Variants in MMRN1 observed in about 807,000 individuals in gnomAD.
MMRN1 encodes the protein multimerin 1.
Under a neutral mutation model 100.7 loss-of-function variants are expected in MMRN1, and 94 were observed. The observed-to-expected ratio is 0.93, with a 90% CI of 0.79 to 1.11. The LOEUF is 1.11. Among genes scored for constraint, MMRN1 ranks in the 50% least tolerant of loss-of-function variants. The pLI, the probability that MMRN1 is intolerant of heterozygous loss-of-function variation, is 0.00. For missense variants in MMRN1, 1,606 were observed against 1,439.1 expected, an observed-to-expected ratio of 1.12 and a Z score of -1.88; for synonymous variants, 575 against 505.0, an observed-to-expected ratio of 1.14 and a Z score of -1.86.
chr4:89,934,865 T>C lies in MMRN1; in HGVS notation c.1185T>C (p.Phe395=), dbSNP rs1722552258. 2 of 1,586,192 alleles carry C rather than the reference T, an allele frequency of 1.3e-6. No homozygotes were observed. Among genetic ancestry groups the C allele is most frequent in the East Asian group, 4.5e-5 (2 of 44,744 alleles). ...TAAGAGACATAGTAAGAGAACAATT[T>C]AAAATTTTTCAAAATGACATGCAAG... ...VLIRDIVREQ[F]KIFQNDMQET... Residue 395 remains phenylalanine, a synonymous_variant, in exon 6 of 8, where the codon TTT becomes TTC. Transcript: ENST00000264790.
At position 89,889,468 on chromosome 4, in the gene MMRN1, A is replaced by G. The variant is rs1027673694; in HGVS notation, c.-248-5256A>G. On this transcript the variant is annotated intron_variant, in intron 1 of 8. Coordinates refer to the MMRN1 transcript ENST00000394980. Reference sequence around the variant, plus strand: ...AAGGGACCAGGCATAGTTCCTGCTTATCCCTGAGTAGTAGGTTTCAGTTCC... The same window carrying G: ...AAGGGACCAGGCATAGTTCCTGCTTGTCCCTGAGTAGTAGGTTTCAGTTCC... 3.3e-5 allele frequency among the ~76,000 whole-genome samples: 5 copies of G among 152,240 alleles called. No homozygotes were observed. The East Asian group carries it at 7.7e-4, about 24-fold the overall frequency.
intron 5 of MMRN1, among the ~76,000 whole-genome samples, chr4:89,934,162 C>G (rs1325223994): frequency 6.6e-6 from 1 of 151,930 alleles, no homozygotes; most frequent in East Asian, 1.9e-4. Flanking sequence ...TAATGTCATA[C>G]TATAATAATA....
rs41279301 is a variant in MMRN1, at chr4:89,936,396, T to C, written c.2716T>C (p.Leu906=). The part of the protein sequence containing the change: ...LQVLNSRFKA[L]EAKSIHLSIN... ...AGTATTAAATTCCAGATTTAAGGCG[T>C]TGGAAGCAAAATCTATCCATCTTTC... Residue 906 remains leucine (L), a synonymous_variant, in exon 6 of 8, where the codon TTG becomes CTG. Transcript: ENST00000264790. The C allele has an allele frequency of 8.3e-3, 13,324 of 1,609,612 alleles. 69 individuals are homozygous for C. The highest frequency in any genetic ancestry group is 9.7e-3 in the Non-Finnish European group (11,421 of 1,178,726).
chr4:89,912,060 A>G lies in MMRN1; in HGVS notation c.850+10A>G, dbSNP rs758745644. ...AAATGTCAACTAAGAGGTACACTCT[A>G]ATATTAATAATCACAATTCTGAACA... On this transcript the variant is annotated intron_variant, in intron 3 of 7. Coordinates refer to ENST00000264790, the MANE Select transcript of MMRN1 (RefSeq NM_007351.3). The G allele has an allele frequency of 6.6e-7, 1 of 1,506,784 alleles. No individual in the cohort carries two copies. The allele number at this position is 1,506,784 out of a possible 1,614,324, so 93.3% of individuals were successfully genotyped here.
At chr4:89,943,512 T>G (rs1240917509) in intron 6 of MMRN1, among the ~76,000 whole-genome samples, 1 of 152,218 alleles carries the variant, frequency 6.6e-6, no homozygotes. Flanking sequence ...CTAAAACTTC[T>G]TAAAGCAGTT....
In MMRN1 at chr4:89,895,268, T is replaced by G. The variant is rs773115638; in HGVS notation, c.297T>G (p.Thr99=). The G allele has an allele frequency of 3.1e-6, 5 of 1,613,614 alleles. No individual in the cohort carries two copies. The highest frequency in any genetic ancestry group is 4.2e-6 in the Non-Finnish European group (5 of 1,179,916). ...CTGCTGAGGGTGTGAGAAATCAAAC[T>G]CTCACATCCACAGAGAAAGCAGAAG... ...SAPAEGVRNQ[T]LTSTEKAEGV... is the part of the protein sequence containing the mutation. The change falls in exon 1 of 8, where the codon ACT becomes ACG. Residue 99 remains threonine (T), a synonymous_variant. Transcript: ENST00000264790.
upstream of MMRN1, chr4:89,894,593 G>A (rs569405834): frequency 7.7e-5 from 13 of 168,676 alleles, no homozygotes; most frequent in Middle Eastern, 2.9e-3. Flanking sequence ...ACTCTCTATC[G>A]TGAACCTGAA....
At chr4:89,949,392 C>T (rs1378416651) in intron 6 of MMRN1, among the ~76,000 whole-genome samples, 1 of 152,194 alleles carries the variant, frequency 6.6e-6, no homozygotes, top group African/African-American at 2.4e-5. Context: ...TTAATTGAAA[C>T]TTCTCCTGTG....
intron 6 of MMRN1, among the ~76,000 whole-genome samples, chr4:89,941,014 G>A (rs949609526): frequency 2.6e-5 from 4 of 152,110 alleles, no homozygotes; most frequent in Admixed American, 2.6e-4. Flanking sequence ...AAAAACATGT[G>A]CATTGATAAG....
Position 89,934,950 on chromosome 4 carries a change from A to G in MMRN1, c.1270A>G (p.Arg424Gly). The change falls in exon 6 of 8, where the codon AGG becomes GGG. Residue 424 changes from arginine (R) to glycine (G), a missense_variant. By Grantham distance (125) the Arg-to-Gly change is moderately radical. Transcript: ENST00000264790. ...TCTATCAGAGGACCTCGAAAGCACC[A>G]GGCAAATAATTCAAAAAGTTAATGA... Reference protein sequence around the residue: ...SSLSEDLESTRQIIQKVNESV... With the variant: ...SSLSEDLESTGQIIQKVNESV... 1 of 1,613,814 alleles carries G rather than the reference A, an allele frequency of 6.2e-7. No homozygotes were observed. The highest frequency in any genetic ancestry group is 1.1e-5 in the South Asian group (1 of 91,062).
intron 4 of MMRN1, 21 bp downstream of exon 4, chr4:89,923,293 T>C: frequency 6.3e-7 from 1 of 1,591,476 alleles, no homozygotes; most frequent in East Asian, 2.2e-5. Flanking sequence ...GTAATTACTA[T>C]CATCTCTGAC....
chr4:89,948,419 A>G (rs1723057918), intron 6 of MMRN1, among the ~76,000 whole-genome samples: 1 of 152,196 alleles, frequency 6.6e-6, no homozygotes. Flanking sequence ...ATGGTAACTC[A>G]TGTCTAATAA....
chr4:89,933,043 T>C (rs1477734263), intron 5 of MMRN1, among the ~76,000 whole-genome samples: 1 of 152,194 alleles, frequency 6.6e-6, no homozygotes, highest in East Asian at 1.9e-4. Context: ...CTTTGTGAAT[T>C]AATAAAACTG....
At chr4:89,888,826 T>C (rs954533123) in intron 1 of MMRN1, among the ~76,000 whole-genome samples, 20 of 152,168 alleles carry the variant, frequency 1.3e-4, no homozygotes, top group Non-Finnish European at 2.6e-4. Context: ...ATTCCCGTTC[T>C]GTTCAGACAT....
At chr4:89,882,139 T>C (rs940045707) in intron 1 of MMRN1, among the ~76,000 whole-genome samples, 5 of 151,812 alleles carry the variant, frequency 3.3e-5, no homozygotes, top group African/African-American at 7.2e-5. Flanking sequence ...GGGGATATTG[T>C]TGTCTCTTAA....
At chr4:89,925,616 G>T (rs1393566219) in intron 4 of MMRN1, among the ~76,000 whole-genome samples, 1 of 151,822 alleles carries the variant, frequency 6.6e-6, no homozygotes, top group Non-Finnish European at 1.5e-5. Context: ...TGGATCACGA[G>T]GTCAGGAGAT....
chr4:89,909,526 T>C (rs946567467), intron 2 of MMRN1, 131 bp downstream of exon 2: 2 of 1,175,138 alleles, frequency 1.7e-6, no homozygotes, highest in African/African-American at 1.6e-5. Context: ...CATTATGCTT[T>C]AGTAAGTGAA....
At chr4:89,886,171 G>A (rs1720933502) in intron 1 of MMRN1, among the ~76,000 whole-genome samples, 1 of 151,402 alleles carries the variant, frequency 6.6e-6, no homozygotes. Context: ...GATTACAAGC[G>A]TGAACCACTG....
rs75913635 is a variant in MMRN1, at chr4:89,921,262, A to G, written c.851-1906A>G. Among the ~76,000 whole-genome samples the G allele has an allele frequency of 7.6e-4, 116 of 152,200 alleles. 1 individual carries two copies. In the East Asian group the frequency reaches 0.015, roughly 20 times the overall value. On this transcript the variant is annotated intron_variant, in intron 3 of 7. Transcript: ENST00000264790. ...CCTGTTCTTACTGCTATAAATATTT[A>G]TAAGTTAGTATCCTTAACATTCATA...
Sources: gnomAD v4.1 joint callset for allele counts (sites outside exome capture counted in the v4.1 genomes callset) on GRCh38, gnomAD v4.1.1 for gene constraint, MANE v1.5 for transcripts, NCBI Gene and HGNC (gene_info 2026-07-23, HGNC 2026-07-21) for gene names.